Variants in NDUFAF6 observed in about 807,000 individuals in gnomAD.
NDUFAF6 encodes the protein NADH dehydrogenase (ubiquinone) complex I, assembly factor 6.
Under a neutral mutation model 40.8 loss-of-function variants are expected in NDUFAF6, and 45 were observed. That is an observed-to-expected ratio of 1.10 (90% CI 0.87 to 1.42). NDUFAF6 has a LOEUF of 1.42. Ranked by LOEUF, NDUFAF6 falls within the 40% of genes most tolerant of loss-of-function variation. The probability of loss-of-function intolerance (pLI) is 0.00; values close to 1 mark genes in which losing one functional copy is unlikely to be tolerated. For synonymous variants in NDUFAF6, 185 were observed against 155.9 expected (o/e 1.19, Z -1.39); for missense variants, 435 against 418.5 (o/e 1.04, Z -0.34).
chr8:95,008,417 A>G (rs575491212), intron 2 of NDUFAF6, among the ~76,000 whole-genome samples: 3 of 152,218 alleles, frequency 2.0e-5, no homozygotes, highest in African/African-American at 7.2e-5. Flanking sequence ...TCAGTTTGCT[A>G]TGTCTTGTTT....
intron 1 of NDUFAF6, among the ~76,000 whole-genome samples, chr8:94,913,855 G>A (rs1283045548): frequency 1.3e-5 from 2 of 152,076 alleles, no homozygotes; most frequent in East Asian, 3.9e-4. Flanking sequence ...GCTGTGGCGC[G>A]ATCTCAGCTC....
intron 7 of NDUFAF6, among the ~76,000 whole-genome samples, chr8:95,050,655 A>G (rs945431330): frequency 7.2e-5 from 11 of 152,228 alleles, no homozygotes; most frequent in Admixed American, 1.3e-4. Context: ...CAAATAAAGC[A>G]GTGATATGAG....
chr8:94,898,135 C>T (rs568206253), intron 1 of NDUFAF6, among the ~76,000 whole-genome samples: 1 of 152,106 alleles, frequency 6.6e-6, no homozygotes, highest in Non-Finnish European at 1.5e-5. Flanking sequence ...GCACAGTTTC[C>T]CCTGTTATTG....
chr8:94,933,707 G>C (rs1229884571), intron 1 of NDUFAF6, among the ~76,000 whole-genome samples: 1 of 151,946 alleles, frequency 6.6e-6, no homozygotes, highest in East Asian at 1.9e-4. Context: ...AGAGGTTGCA[G>C]TGAGCTGAGA....
At chr8:94,921,912 G>A (rs1035455734) in intron 1 of NDUFAF6, among the ~76,000 whole-genome samples, 6 of 152,196 alleles carry the variant, frequency 3.9e-5, no homozygotes, top group African/African-American at 1.2e-4. Flanking sequence ...GCATGACCTG[G>A]GAATTTATTA....
intron 1 of NDUFAF6, among the ~76,000 whole-genome samples, chr8:94,972,116 A>G (rs1255596249): frequency 6.6e-6 from 1 of 152,242 alleles, no homozygotes; most frequent in East Asian, 1.9e-4. Flanking sequence ...AAAGATTCTG[A>G]TAGTGTCAGA....
At chr8:94,971,286 G>A (rs547738763) in intron 1 of NDUFAF6, among the ~76,000 whole-genome samples, 1 of 152,316 alleles carries the variant, frequency 6.6e-6, no homozygotes, top group African/African-American at 2.4e-5. Context: ...AGTAAAGATG[G>A]CCTTGACTCC....
Position 95,081,609 on chromosome 8 carries a change from C to T in NDUFAF6, n.213+5857C>T, listed in dbSNP as rs533899815. ...GAAAACATTTAATGACCCACGGACT[C>T]CGATAATACTCAAGAGCACAAATAC... On this transcript the variant is annotated intron_variant and non_coding_transcript_variant, in intron 2 of 5. Transcript: ENST00000523184. Among the ~76,000 whole-genome samples the T allele has an allele frequency of 2.5e-3, 376 of 152,266 alleles. 4 individuals carry two copies. Among genetic ancestry groups the T allele is most frequent in the Non-Finnish European group, 3.4e-3 (228 of 68,018 alleles).
chr8:94,902,400 C>G (rs1365349375), intron 1 of NDUFAF6, among the ~76,000 whole-genome samples: 1 of 139,456 alleles, frequency 7.2e-6, no homozygotes, highest in Non-Finnish European at 1.5e-5. Context: ...GCCTGGGTGA[C>G]AGAGTGAGGC....
At chr8:94,944,029 G>A (rs1821784632) in intron 1 of NDUFAF6, among the ~76,000 whole-genome samples, 1 of 152,214 alleles carries the variant, frequency 6.6e-6, no homozygotes, top group African/African-American at 2.4e-5. Flanking sequence ...AGATTTTTGA[G>A]GATACATGCT....
upstream of NDUFAF6, among the ~76,000 whole-genome samples, chr8:95,099,470 T>C (rs541070415): frequency 6.6e-6 from 1 of 152,078 alleles, no homozygotes; most frequent in Non-Finnish European, 1.5e-5. Flanking sequence ...CGTAAAGAGT[T>C]CTTATACCAG....
chr8:95,010,966 TAGTA>T (rs1827203433), intron 2 of NDUFAF6, among the ~76,000 whole-genome samples: 1 of 152,224 alleles, frequency 6.6e-6, no homozygotes, highest in Non-Finnish European at 1.5e-5. Context: ...TGAGCACAGA[TAGTA>T]CATTAAAGGA....
chr8:94,998,119 C>T (rs1159688355), intron 2 of NDUFAF6, among the ~76,000 whole-genome samples: 1 of 152,118 alleles, frequency 6.6e-6, no homozygotes, highest in African/African-American at 2.4e-5. Context: ...AAAAAAATTA[C>T]TCGAGAAAAA....
intron 2 of NDUFAF6, among the ~76,000 whole-genome samples, chr8:95,014,079 G>A (rs1827338735): frequency 6.6e-6 from 1 of 152,252 alleles, no homozygotes. Flanking sequence ...CTTCCTTGTA[G>A]CCTGCTGAAC....
intron 5 of NDUFAF6, 35 bp downstream of exon 5, chr8:95,045,682 C>A: frequency 2.7e-6 from 4 of 1,504,578 alleles, no homozygotes; most frequent in Non-Finnish European, 3.7e-6. Flanking sequence ...TTCTTTTTTC[C>A]AATAAAATAC....
At chr8:95,083,866 A>ACC (rs1808957614) in intron 2 of NDUFAF6, among the ~76,000 whole-genome samples, 1 of 152,242 alleles carries the variant, frequency 6.6e-6, no homozygotes, top group Non-Finnish European at 1.5e-5. Flanking sequence ...ACCTACATTC[A>ACC]TAAATAAAGA....
chr8:95,040,115 C>T (rs1411434757), intron 3 of NDUFAF6, among the ~76,000 whole-genome samples: 2 of 152,126 alleles, frequency 1.3e-5, no homozygotes, highest in East Asian at 3.8e-4. Context: ...TAATCTGGAA[C>T]ATTTCCGTAG....
chr8:95,094,476 G>A (rs766168887), intron 2 of NDUFAF6, among the ~76,000 whole-genome samples: 5 of 142,822 alleles, frequency 3.5e-5, no homozygotes, highest in Non-Finnish European at 6.0e-5. Context: ...GCAGTGGCAC[G>A]ATCTTGGCTC....
At chr8:95,107,761 G>A (rs1023893971), downstream of NDUFAF6, among the ~76,000 whole-genome samples, 12 of 152,308 alleles carry the variant, frequency 7.9e-5, no homozygotes, top group South Asian at 6.2e-4. Flanking sequence ...AAGGTACCAA[G>A]GAAGTCATCA....
Sources: gnomAD v4.1 joint callset for allele counts (sites outside exome capture counted in the v4.1 genomes callset) on GRCh38, gnomAD v4.1.1 for gene constraint, MANE v1.5 for transcripts, NCBI Gene and HGNC (gene_info 2026-07-23, HGNC 2026-07-21) for gene names.